CALD1: variants seen among roughly 807,000 people sequenced by gnomAD.
CALD1 encodes the protein caldesmon 1.
A neutral mutation model predicts 99.9 loss-of-function variants in CALD1; 33 were observed. That is an observed-to-expected ratio of 0.33 (90% CI 0.25 to 0.44). The LOEUF is 0.44. CALD1 is among the 20% of genes least tolerant of loss of function. CALD1 has a pLI of 1.00. For synonymous variants in CALD1, 310 were observed against 325.0 expected (o/e 0.95, Z 0.50); for missense variants, 861 against 962.1 (o/e 0.89, Z 1.39).
chr7:134,830,482 T>C (rs577017524), intron 1 of CALD1, among the ~76,000 whole-genome samples: 2 of 151,764 alleles, frequency 1.3e-5, no homozygotes, highest in East Asian at 3.9e-4. Flanking sequence ...GTCACGGGGG[T>C]TTGTTATACA....
chr7:134,873,113 G>A (rs1801176791), intron 3 of CALD1, among the ~76,000 whole-genome samples: 1 of 151,994 alleles, frequency 6.6e-6, no homozygotes, highest in Non-Finnish European at 1.5e-5. Context: ...CTTGAACCTG[G>A]GAGGCAGAGG....
intron 1 of CALD1, among the ~76,000 whole-genome samples, chr7:134,756,285 A>C (rs1274931031): frequency 1.3e-5 from 2 of 150,260 alleles, no homozygotes; most frequent in African/African-American, 2.4e-5. Context: ...AAAAAAAAAA[A>C]AAAAAACTAA....
chr7:134,826,802 A>G (rs1278155397), intron 1 of CALD1, among the ~76,000 whole-genome samples: 1 of 152,074 alleles, frequency 6.6e-6, no homozygotes, highest in Non-Finnish European at 1.5e-5. Context: ...AGGTGGTGGG[A>G]TGCCTTATAT....
intron 3 of CALD1, among the ~76,000 whole-genome samples, chr7:134,881,786 C>G (rs1274240932): frequency 6.6e-6 from 1 of 152,198 alleles, no homozygotes; most frequent in Non-Finnish European, 1.5e-5. Flanking sequence ...CTCCCTAGAG[C>G]CCGTCACCTC....
At chr7:134,961,030 A>G (rs1232130783) in intron 13 of CALD1, 1 of 154,670 alleles carries the variant, frequency 6.5e-6, no homozygotes, top group African/African-American at 2.4e-5. Context: ...AAGAATATGT[A>G]TGTTGCCTAT....
rs541818087 is a variant in CALD1, at chr7:134,953,665, T to G, written c.1935+3151T>G. ...TCCAAATTCTACTGTGGTTTTTTTT[T>G]TTTGTTTTTTTTTTTCAGGAGAAAC... On this transcript the variant is annotated intron_variant, in intron 9 of 14. Coordinates refer to ENST00000361675, the MANE Select transcript of CALD1 (RefSeq NM_033138.4). Among the ~76,000 whole-genome samples the G allele has an allele frequency of 1.1e-3, 150 of 131,628 alleles. 2 individuals carry two copies. Among genetic ancestry groups the G allele is most frequent in the Non-Finnish European group, 1.9e-3 (112 of 58,300 alleles). 86.4% of individuals were successfully genotyped at this position (131,628 alleles called of 152,430 possible). A position where few individuals can be genotyped will look rare whatever the true frequency, so the allele number is the denominator to read the frequency against.
intron 3 of CALD1, among the ~76,000 whole-genome samples, chr7:134,922,530 A>G (rs905676163): frequency 2.0e-5 from 3 of 152,232 alleles, no homozygotes; most frequent in Non-Finnish European, 1.5e-5. Flanking sequence ...GACCTATACT[A>G]TAGTTGAGAT....
Position 134,854,160 on chromosome 7 carries a change from C to T in CALD1, c.-42+10189C>T, listed in dbSNP as rs1004775263. On this transcript the variant is annotated intron_variant, in intron 2 of 14. Transcript: ENST00000361675. ...CAAGTCTTTGCTATTGTGAATAGTG[C>T]TGCAATAAACATACGTGTGCATGTG... Among the ~76,000 whole-genome samples, 17 of 152,150 alleles carry T rather than the reference C, an allele frequency of 1.1e-4. 1 individual carries two copies. In the East Asian group the frequency reaches 3.3e-3, roughly 29 times the overall value.
At chr7:134,901,195 A>G (rs1190575438) in intron 3 of CALD1, among the ~76,000 whole-genome samples, 1 of 150,428 alleles carries the variant, frequency 6.6e-6, no homozygotes, top group African/African-American at 2.5e-5. Context: ...AGCAGATGCC[A>G]TCAATCTTGA....
chr7:134,832,624 C>T (rs1368904338), intron 1 of CALD1, among the ~76,000 whole-genome samples: 1 of 152,130 alleles, frequency 6.6e-6, no homozygotes, highest in Admixed American at 6.5e-5. Context: ...ATAATAAGGG[C>T]AGTTTTGATT....
intron 7 of CALD1, among the ~76,000 whole-genome samples, chr7:134,943,818 T>C (rs1806646264): frequency 6.6e-6 from 1 of 152,192 alleles, no homozygotes; most frequent in Non-Finnish European, 1.5e-5. Context: ...TACTTATAAT[T>C]TTACATTGAT....
At chr7:134,743,580 A>T (rs1796608754), upstream of CALD1, among the ~76,000 whole-genome samples, 1 of 152,192 alleles carries the variant, frequency 6.6e-6, no homozygotes, top group African/African-American at 2.4e-5. Context: ...TTCAAAGTGG[A>T]GATGTTCTCT....
chr7:134,860,099 A>C (rs1800497844), intron 2 of CALD1, among the ~76,000 whole-genome samples: 1 of 152,136 alleles, frequency 6.6e-6, no homozygotes, highest in South Asian at 2.1e-4. Context: ...TTGAGAAGAC[A>C]AAGTGCCTCA....
intron 11 of CALD1, among the ~76,000 whole-genome samples, chr7:134,959,695 GA>G (rs1423654851): frequency 6.6e-6 from 1 of 152,040 alleles, no homozygotes; most frequent in Non-Finnish European, 1.5e-5. Flanking sequence ...AGTATCTGTT[GA>G]AGAAACGAAG....
chr7:134,755,727 CT>C (rs1334749262), intron 1 of CALD1, among the ~76,000 whole-genome samples: 1 of 152,124 alleles, frequency 6.6e-6, no homozygotes, highest in Non-Finnish European at 1.5e-5. Flanking sequence ...TTACATTTTA[CT>C]TGTGTTATTT....
the CALD1 span, among the ~76,000 whole-genome samples, chr7:134,731,554 C>T: frequency 6.6e-6 from 1 of 152,160 alleles, no homozygotes; most frequent in Non-Finnish European, 1.5e-5. Context: ...GACCCTGTTG[C>T]TCCACTCCTA....
At position 134,947,576 on chromosome 7, in the gene CALD1, A is replaced by C. The variant is rs952253153; in HGVS notation, c.1601A>C (p.Lys534Thr). 6.4e-7 allele frequency: 1 copy of C among 1,562,082 alleles called. No homozygotes were observed. The highest frequency in any genetic ancestry group is 8.7e-7 in the Non-Finnish European group (1 of 1,152,812). The change falls in exon 8 of 15, where the codon AAA (lysine) becomes ACA (threonine). Residue 534 changes from lysine to threonine, a missense_variant. By Grantham distance (78) the Lys-to-Thr change is moderately conservative. Transcript: ENST00000361675. ...AEGAPQVEAG[K>T]RLEELRRRRG... ...GGCGCCCCCCAGGTGGAAGCCGGCA[A>C]AAGGCTGGAGGAGCTTCGTCGTCGT...
the CALD1 span, among the ~76,000 whole-genome samples, chr7:134,722,031 C>T: frequency 6.6e-6 from 1 of 152,092 alleles, no homozygotes; most frequent in Non-Finnish European, 1.5e-5. Flanking sequence ...TGGTTTTTCT[C>T]TTTCTTAAAG....
At chr7:134,793,144 G>T (rs926959281) in intron 1 of CALD1, among the ~76,000 whole-genome samples, 1 of 152,186 alleles carries the variant, frequency 6.6e-6, no homozygotes, top group African/African-American at 2.4e-5. Flanking sequence ...GGAGGCAGGC[G>T]CTGAGAGGGG....
Sources: gnomAD v4.1 joint callset for allele counts (sites outside exome capture counted in the v4.1 genomes callset) on GRCh38, gnomAD v4.1.1 for gene constraint, MANE v1.5 for transcripts, NCBI Gene and HGNC (gene_info 2026-07-23, HGNC 2026-07-21) for gene names.